The following KLF12 variants were observed in gnomAD, a reference collection of about 807,000 sequenced individuals.
The protein encoded by KLF12 is KLF transcription factor 12.
KLF12 carries 9 observed loss-of-function variants against 37.8 expected under a neutral mutation model. The observed-to-expected ratio is 0.24, with a 90% CI of 0.14 to 0.42. The LOEUF is 0.42. Among genes scored for constraint, KLF12 ranks in the 10% least tolerant of loss-of-function variants. The pLI, the probability that KLF12 is intolerant of heterozygous loss-of-function variation, is 1.00. For missense variants in KLF12, 411 were observed against 516.0 expected, an observed-to-expected ratio of 0.80 and a Z score of 1.97; for synonymous variants, 208 against 202.1, an observed-to-expected ratio of 1.03 and a Z score of -0.25.
At chr13:74,211,673 AT>A in the KLF12 span, among the ~76,000 whole-genome samples, 1 of 152,154 alleles carries the variant, frequency 6.6e-6, no homozygotes, top group Non-Finnish European at 1.5e-5. Context: ...TATTAAGGGT[AT>A]TTAGTTGGTT....
chr13:73,739,264 AT>A (rs1480178315), intron 6 of KLF12, among the ~76,000 whole-genome samples: 9 of 150,152 alleles, frequency 6.0e-5, no homozygotes, highest in African/African-American at 2.0e-4. Flanking sequence ...AATAATAATA[AT>A]AATAATAATA....
intron 4 of KLF12, among the ~76,000 whole-genome samples, chr13:73,841,717 G>A (rs905414432): frequency 4.6e-5 from 7 of 152,040 alleles, no homozygotes; most frequent in East Asian, 1.9e-4. Context: ...ATGCCATTCC[G>A]TTGACAAAAA....
chr13:74,066,600 G>A (rs1873930344), intron 1 of KLF12, among the ~76,000 whole-genome samples: 1 of 152,160 alleles, frequency 6.6e-6, no homozygotes, highest in Admixed American at 6.5e-5. Context: ...TGATGCTGCA[G>A]CAAGCCATGA....
At chr13:74,142,946 T>C in the KLF12 span, among the ~76,000 whole-genome samples, 3 of 152,134 alleles carry the variant, frequency 2.0e-5, no homozygotes. Context: ...TGTGTCCTAA[T>C]ACAACTTTAA....
intron 2 of KLF12, among the ~76,000 whole-genome samples, chr13:73,965,954 T>C (rs898203403): frequency 1.3e-5 from 2 of 152,238 alleles, no homozygotes; most frequent in East Asian, 1.9e-4. Flanking sequence ...CAGGGCAATT[T>C]GGCAGAAAAT....
At chr13:73,804,577 A>T (rs1447400239) in intron 5 of KLF12, among the ~76,000 whole-genome samples, 1 of 152,166 alleles carries the variant, frequency 6.6e-6, no homozygotes, top group Non-Finnish European at 1.5e-5. Flanking sequence ...TTTGAAGCTT[A>T]GAAGGCTGGT....
chr13:73,760,121 C>T (rs1879450253), intron 6 of KLF12, among the ~76,000 whole-genome samples: 1 of 151,938 alleles, frequency 6.6e-6, no homozygotes, highest in Admixed American at 6.6e-5. Flanking sequence ...TTTTCACACC[C>T]AAATGTGAAA....
At chr13:73,703,685 C>A (rs966353701) in intron 7 of KLF12, among the ~76,000 whole-genome samples, 11 of 152,132 alleles carry the variant, frequency 7.2e-5, no homozygotes. Flanking sequence ...ATGGATATTA[C>A]CTCATTTAAT....
At chr13:74,227,555 T>G in the KLF12 span, among the ~76,000 whole-genome samples, 1 of 152,100 alleles carries the variant, frequency 6.6e-6, no homozygotes, top group Non-Finnish European at 1.5e-5. Flanking sequence ...TTGGCCAAAG[T>G]TTTTTCTATT....
intron 2 of KLF12, among the ~76,000 whole-genome samples, chr13:73,947,438 C>T (rs963903291): frequency 6.6e-6 from 1 of 151,938 alleles, no homozygotes; most frequent in Non-Finnish European, 1.5e-5. Context: ...GTAACTTGAG[C>T]TCAGGAGTTT....
At chr13:74,103,124 T>C (rs555768628) in intron 1 of KLF12, among the ~76,000 whole-genome samples, 2 of 152,342 alleles carry the variant, frequency 1.3e-5, no homozygotes, top group South Asian at 4.1e-4. Flanking sequence ...GGAGCAAACA[T>C]GATGAAATGC....
intron 6 of KLF12, among the ~76,000 whole-genome samples, chr13:73,717,964 GA>G (rs200570354): frequency 0.033 from 4,960 of 151,970 alleles, 89 homozygotes; most frequent in South Asian, 0.097. Context: ...TTTATTTCCT[GA>G]AAAAAAGGAA....
intron 3 of KLF12, among the ~76,000 whole-genome samples, chr13:73,922,668 T>G (rs1889171434): frequency 6.6e-6 from 1 of 152,164 alleles, no homozygotes; most frequent in Non-Finnish European, 1.5e-5. Flanking sequence ...ATCTCTGACT[T>G]CTTGTCAGGC....
rs1252096859 is a variant in KLF12 at position 73,688,583 on chromosome 13, T to C, written c.*6907A>G. The stretch of plus-strand genomic sequence containing the variant: ...AAAATGCTACTAAGTATTTGGATGA[T>C]TTTGGAGCTCCAGGCCAGACATTTA... On this transcript the variant is annotated 3_prime_UTR_variant, in exon 8 of 8. Coordinates refer to ENST00000377669, the MANE Select transcript of KLF12 (RefSeq NM_007249.5). The C allele has an allele frequency of 6.6e-6, 1 of 152,140 alleles. No homozygotes were observed. Among genetic ancestry groups the C allele is most frequent in the East Asian group, 1.9e-4 (1 of 5,196 alleles). The allele number at this position is 152,140 out of a possible 1,614,324, so 9.4% of individuals were successfully genotyped here.
chr13:74,175,068 T>A, the KLF12 span, among the ~76,000 whole-genome samples: 1 of 152,180 alleles, frequency 6.6e-6, no homozygotes. Flanking sequence ...GTGCTGCTAC[T>A]GTCACTGCCA....
At chr13:73,957,732 G>GA (rs1890888277) in intron 2 of KLF12, among the ~76,000 whole-genome samples, 1 of 152,054 alleles carries the variant, frequency 6.6e-6, no homozygotes, top group African/African-American at 2.4e-5. Context: ...AATTTTGTTA[G>GA]AAAAAAGTGA....
chr13:73,952,322 G>T (rs1021399764), intron 2 of KLF12, among the ~76,000 whole-genome samples: 4 of 152,186 alleles, frequency 2.6e-5, no homozygotes, highest in Non-Finnish European at 4.4e-5. Context: ...TACAATCATG[G>T]CAGAAGGCGA....
At chr13:73,944,114 C>A (rs771890032) in intron 2 of KLF12, 44 bp from the exon 3 acceptor site, 8 of 1,194,718 alleles carry the variant, frequency 6.7e-6, no homozygotes. Context: ...CTAAAGCATT[C>A]AAAAGAGGAC....
rs769330172 is a variant in KLF12 at position 73,845,864 on chromosome 13, G to A, written c.633C>T (p.Val211=). Residue 211 remains valine (V), a synonymous_variant, in exon 4 of 8, where the codon GTC becomes GTT. Coordinates refer to ENST00000377669, the MANE Select transcript of KLF12 (RefSeq NM_007249.5). ...CTCTCCCATCCTCCAAAAGCGGCAC[G>A]ACAATAGTGTTGTTCACATTTCCAG... 8.7e-6 allele frequency: 14 copies of A among 1,613,908 alleles called. No homozygotes were observed. The highest frequency in any genetic ancestry group is 2.2e-5 in the East Asian group (1 of 44,900).
Sources: gnomAD v4.1 joint callset for allele counts (sites outside exome capture counted in the v4.1 genomes callset) on GRCh38, gnomAD v4.1.1 for gene constraint, MANE v1.5 for transcripts, NCBI Gene and HGNC (gene_info 2026-07-23, HGNC 2026-07-21) for gene names.